The following KIAA1217 variants were observed in gnomAD, a reference collection of about 807,000 sequenced individuals.
KIAA1217 encodes KIAA1217.
A neutral mutation model predicts 163.9 loss-of-function variants in KIAA1217; 88 were observed. The ratio of observed to expected loss-of-function variants is 0.54; its 90% confidence interval spans 0.45 to 0.64. The LOEUF (loss-of-function observed/expected upper bound fraction) is 0.64, where lower values mean the gene tolerates loss of function less well. Among genes scored for constraint, KIAA1217 ranks in the 30% least tolerant of loss-of-function variants. The pLI is 0.00. For missense variants in KIAA1217, 2,372 were observed against 2,475.0 expected (o/e 0.96, Z 0.88); for synonymous variants, 903 against 923.1 (o/e 0.98, Z 0.39).
chr10:24,357,249 G>A (rs543141639), intron 2 of KIAA1217, among the ~76,000 whole-genome samples: 67 of 152,332 alleles, frequency 4.4e-4, no homozygotes, highest in South Asian at 6.2e-4. Context: ...GGAGTAGTAC[G>A]AATCACCTTG....
chr10:23,721,043 A>G (rs1045085751), intron 1 of KIAA1217, among the ~76,000 whole-genome samples: 1 of 152,210 alleles, frequency 6.6e-6, no homozygotes, highest in African/African-American at 2.4e-5. Flanking sequence ...CCAATTCTGT[A>G]GAGGCTTTAG....
intron 1 of KIAA1217, among the ~76,000 whole-genome samples, chr10:23,724,695 T>G (rs1459060947): frequency 1.3e-5 from 2 of 152,234 alleles, no homozygotes; most frequent in Non-Finnish European, 2.9e-5. Flanking sequence ...TAGCCCTAAA[T>G]GGTCCCAGAA....
chr10:24,060,297 A>C (rs2060674103), intron 2 of KIAA1217, among the ~76,000 whole-genome samples: 1 of 152,086 alleles, frequency 6.6e-6, no homozygotes, highest in Non-Finnish European at 1.5e-5. Context: ...TTTTTGCTGC[A>C]TTCCATAGTT....
intron 1 of KIAA1217, among the ~76,000 whole-genome samples, chr10:23,920,574 A>G (rs553566742): frequency 6.6e-6 from 1 of 152,216 alleles, no homozygotes; most frequent in Admixed American, 6.5e-5. Context: ...CTTTGAAGAC[A>G]TTAAGGCTAA....
At chr10:24,527,895 A>T (rs778571671) in intron 13 of KIAA1217, 41 bp from the exon 14 acceptor site, 8 of 1,523,376 alleles carry the variant, frequency 5.3e-6, no homozygotes. Flanking sequence ...GTTCTCCTCT[A>T]TGTGTCCACG....
At chr10:24,530,032 G>A (rs2072888703) in intron 14 of KIAA1217, among the ~76,000 whole-genome samples, 1 of 151,906 alleles carries the variant, frequency 6.6e-6, no homozygotes, top group Non-Finnish European at 1.5e-5. Context: ...CCTGACCTCA[G>A]GTGATCCACC....
intron 4 of KIAA1217, among the ~76,000 whole-genome samples, chr10:24,435,805 GTTGATA>G (rs1401494161): frequency 6.6e-6 from 1 of 151,978 alleles, no homozygotes; most frequent in Non-Finnish European, 1.5e-5. Flanking sequence ...CAGTCAATAT[GTTGATA>G]TTTGTGAAAA....
In KIAA1217 at chr10:24,211,361, C is replaced by CTT. The variant is rs1201397959; in HGVS notation, c.70+2126_70+2127dup. ...GGGAATCTCCTGGCAGGTGGGACTA[C>CTT]TTTTTTTTTTTTTTTTTTTTTTTTT... On this transcript the variant is annotated intron_variant, in intron 1 of 20. Coordinates refer to ENST00000376454, the MANE Select transcript of KIAA1217 (RefSeq NM_019590.5). Among the ~76,000 whole-genome samples the CTT allele has an allele frequency of 4.5e-4, 27 of 60,200 alleles. 1 individual carries two copies. Among genetic ancestry groups the CTT allele is most frequent in the African/African-American group, 5.9e-4 (9 of 15,334 alleles). The allele number at this position is 60,200 out of a possible 152,430, so 39.5% of individuals were successfully genotyped here. A position where few individuals can be genotyped will look rare whatever the true frequency, so the allele number is the denominator to read the frequency against.
intron 2 of KIAA1217, among the ~76,000 whole-genome samples, chr10:24,268,397 A>G (rs1376367714): frequency 2.0e-5 from 3 of 152,128 alleles, no homozygotes; most frequent in African/African-American, 7.2e-5. Flanking sequence ...AAGTGGGCAA[A>G]GGACATGAAC....
intron 2 of KIAA1217, among the ~76,000 whole-genome samples, chr10:24,056,470 T>C (rs1349187509): frequency 2.0e-5 from 3 of 151,792 alleles, no homozygotes; most frequent in African/African-American, 4.8e-5. Context: ...AAGAAAGGAC[T>C]GTACTAAGAA....
intron 2 of KIAA1217, among the ~76,000 whole-genome samples, chr10:24,221,189 G>C (rs1343240899): frequency 6.6e-6 from 1 of 152,118 alleles, no homozygotes; most frequent in African/African-American, 2.4e-5. Flanking sequence ...TGTGGCTAGG[G>C]ATGTTTTTGT....
intron 17 of KIAA1217, among the ~76,000 whole-genome samples, chr10:24,538,562 GAGGGAGGAAGGA>G (rs1384505908): frequency 2.4e-5 from 2 of 83,896 alleles, no homozygotes; most frequent in South Asian, 4.6e-4. Context: ...GGGAGGGAGG[GAGGGAGGAAGGA>G]AGGAAGGAAG....
chr10:23,976,587 C>T (rs909864151), intron 1 of KIAA1217, among the ~76,000 whole-genome samples: 1 of 152,090 alleles, frequency 6.6e-6, no homozygotes, highest in South Asian at 2.1e-4. Flanking sequence ...TATGTACCTC[C>T]TATATTCTCT....
intron 2 of KIAA1217, among the ~76,000 whole-genome samples, chr10:24,034,327 G>T (rs1178183995): frequency 6.6e-6 from 1 of 152,048 alleles, no homozygotes; most frequent in Non-Finnish European, 1.5e-5. Context: ...GGGAGCCCAA[G>T]GTGGGGTGGA....
intron 17 of KIAA1217, among the ~76,000 whole-genome samples, chr10:24,537,161 T>G (rs2074142510): frequency 6.6e-6 from 1 of 152,208 alleles, no homozygotes; most frequent in Non-Finnish European, 1.5e-5. Flanking sequence ...CACCTTTCAG[T>G]ACTTTCTAGA....
intron 2 of KIAA1217, among the ~76,000 whole-genome samples, chr10:24,043,317 A>G (rs972846900): frequency 1.3e-5 from 2 of 152,176 alleles, no homozygotes; most frequent in Admixed American, 1.3e-4. Context: ...AATTGTTTTA[A>G]TATTCTCATT....
chr10:24,065,205 T>C (rs2060890316), intron 2 of KIAA1217, among the ~76,000 whole-genome samples: 1 of 152,218 alleles, frequency 6.6e-6, no homozygotes, highest in African/African-American at 2.4e-5. Flanking sequence ...TGTTTGCTCT[T>C]GCTTCTCTAG....
At position 24,546,292 on chromosome 10, in the gene KIAA1217, G is replaced by T. The variant is rs200494078; in HGVS notation, c.5800G>T (p.Ala1934Ser). ...YKAQNGSSSK[A>S]TPSTAKETS ...GGCACAGAATGGAAGTTCAAGCAAA[G>T]CCACCCCATCCACAGCAAAAGAAAC... The change falls in exon 21 of 21, where the codon GCC (alanine) becomes TCC (serine). Residue 1934 changes from alanine to serine, a missense_variant. By Grantham distance (99) the Ala-to-Ser change is moderately conservative. Transcript: ENST00000376454. 9.3e-5 allele frequency: 149 copies of T among 1,610,784 alleles called. 1 individual carries two copies. The East Asian group carries it at 3.0e-3, about 33-fold the overall frequency.
intron 2 of KIAA1217, among the ~76,000 whole-genome samples, chr10:24,294,080 T>C (rs2132524851): frequency 6.8e-6 from 1 of 147,898 alleles, no homozygotes; most frequent in African/African-American, 2.5e-5. Context: ...TAGTCCCAGC[T>C]ACTGGGGAGG....
Sources: allele counts gnomAD v4.1 joint callset (sites outside exome capture counted in the v4.1 genomes callset), GRCh38; gene constraint gnomAD v4.1.1; transcripts MANE v1.5; gene names NCBI Gene and HGNC (gene_info 2026-07-23, HGNC 2026-07-21).